ELMOD2: variants seen among roughly 807,000 people sequenced by gnomAD.
The protein encoded by ELMOD2 is ELMO domain-containing protein 2.
In ELMOD2, 28 loss-of-function variants were observed where a neutral mutation model predicts 41.0. That is an observed-to-expected ratio of 0.68 (90% CI 0.51 to 0.94). ELMOD2 has a LOEUF of 0.94. ELMOD2 is among the 40% of genes least tolerant of loss of function. The probability of loss-of-function intolerance (pLI) is 0.00; values close to 1 mark genes in which losing one functional copy is unlikely to be tolerated. For missense variants in ELMOD2, 333 were observed against 343.1 expected (o/e 0.97, Z 0.23); for synonymous variants, 106 against 107.2 (o/e 0.99, Z 0.07).
intron 1 of ELMOD2, chr4:140,524,505 C>T: frequency 1.2e-5 from 9 of 761,992 alleles, no homozygotes; most frequent in Non-Finnish European, 1.3e-5. Flanking sequence ...CGTGCATCCC[C>T]TCTGCTCGGC....
In ELMOD2 at chr4:140,551,578, A is replaced by G. The variant is rs967071205; in HGVS notation, c.*1203A>G. 6.6e-6 allele frequency: 1 copy of G among 152,132 alleles called. No individual in the cohort carries two copies. Among genetic ancestry groups the G allele is most frequent in the East Asian group, 1.9e-4 (1 of 5,202 alleles). The allele number at this position is 152,132 out of a possible 1,614,324, so 9.4% of individuals were successfully genotyped here. On this transcript the variant is annotated 3_prime_UTR_variant, in exon 9 of 9. Transcript: ENST00000323570. ...TTCTTGGTGCGTTTTACACATTTGT[A>G]CTGATAGCAAAACTAAAGTTTAAAG...
intron 2 of ELMOD2, among the ~76,000 whole-genome samples, 164 bp downstream of exon 2, chr4:140,525,734 T>C (rs1259839704): frequency 6.6e-6 from 1 of 152,252 alleles, no homozygotes; most frequent in East Asian, 1.9e-4. Flanking sequence ...TAAAATTGTA[T>C]GAATTTATAG....
chr4:140,540,857 G>T (rs1735084046), intron 6 of ELMOD2, among the ~76,000 whole-genome samples: 2 of 151,478 alleles, frequency 1.3e-5, no homozygotes, highest in African/African-American at 4.9e-5. Flanking sequence ...ACCTCTTAAA[G>T]AATTATGTAT....
At position 140,535,764 on chromosome 4, in the gene ELMOD2, G is replaced by T; in HGVS notation, c.203G>T (p.Ser68Ile). 1 of 1,611,666 alleles carries T rather than the reference G, an allele frequency of 6.2e-7. No individual in the cohort carries two copies. ...CAGAAGGCGACACATGTTGTTCAGA[G>T]TGAAGTGGACAAATATGTAGATGAT... is the stretch of plus-strand genomic sequence containing the variant. ...VLQKATHVVQSEVDKYVDDIM... is the reference protein window; with the variant it reads ...VLQKATHVVQIEVDKYVDDIM... The change falls in exon 4 of 9, where the codon AGT (serine) becomes ATT (isoleucine). Residue 68 changes from serine to isoleucine, a missense_variant. Ser to Ile is a moderately radical substitution (Grantham distance 142). Coordinates refer to ENST00000323570, the MANE Select transcript of ELMOD2 (RefSeq NM_153702.4).
chr4:140,524,566 A>G (rs957628143), intron 1 of ELMOD2: 2 of 984,482 alleles, frequency 2.0e-6, no homozygotes, highest in Non-Finnish European at 1.2e-6. Context: ...TTGATTTTCA[A>G]GATAATGATC....
At chr4:140,536,141 GTCC>G (rs1395766037) in intron 4 of ELMOD2, among the ~76,000 whole-genome samples, 2 of 152,116 alleles carry the variant, frequency 1.3e-5, no homozygotes, top group East Asian at 3.9e-4. Flanking sequence ...CAGTTCCTGT[GTCC>G]TCCTCTAGTA....
At chr4:140,538,422 CAATA>C (rs746495755) in intron 5 of ELMOD2, among the ~76,000 whole-genome samples, 3 of 152,088 alleles carry the variant, frequency 2.0e-5, no homozygotes, top group Non-Finnish European at 4.4e-5. Context: ...AGTTTAAAAA[CAATA>C]AAGGCTTTTT....
intron 8 of ELMOD2, among the ~76,000 whole-genome samples, chr4:140,544,519 A>G (rs549860542): frequency 1.3e-5 from 2 of 152,194 alleles, no homozygotes; most frequent in African/African-American, 4.8e-5. Context: ...CATTGAAAGT[A>G]TAGTTATTTA....
At position 140,550,718 on chromosome 4, in the gene ELMOD2, A is replaced by C. The variant is rs1429843704; in HGVS notation, c.*343A>C. The C allele has an allele frequency of 6.4e-6, 1 of 155,108 alleles. No individual in the cohort carries two copies. Among genetic ancestry groups the C allele is most frequent in the Non-Finnish European group, 1.4e-5 (1 of 69,874 alleles). 9.6% of individuals were successfully genotyped at this position (155,108 alleles called of 1,614,324 possible). On this transcript the variant is annotated 3_prime_UTR_variant, in exon 9 of 9. Coordinates refer to ENST00000323570, the MANE Select transcript of ELMOD2 (RefSeq NM_153702.4). ...ATCAATTTTCGTTTTTATGTGTTAT[A>C]GGGTCAAGTTGGTATCTTTTTCAAA...
At position 140,552,369 on chromosome 4, in the gene ELMOD2, C is replaced by G. The variant is rs1389728335; in HGVS notation, c.*1994C>G. The G allele has an allele frequency of 6.6e-6, 1 of 151,886 alleles. No homozygotes were observed. The highest frequency in any genetic ancestry group is 6.6e-5 in the Admixed American group (1 of 15,232). 9.4% of individuals were successfully genotyped at this position (151,886 alleles called of 1,614,324 possible). A position where few individuals can be genotyped will look rare whatever the true frequency, so the allele number is the denominator to read the frequency against. On this transcript the variant is annotated 3_prime_UTR_variant, in exon 9 of 9. Coordinates refer to ENST00000323570, the MANE Select transcript of ELMOD2 (RefSeq NM_153702.4). ...TCAATAATATGTTCTTTAAATCCACCTCCATTTGTACATTATAGGTATCAT... is the reference window on the plus strand; with the variant it reads ...TCAATAATATGTTCTTTAAATCCACGTCCATTTGTACATTATAGGTATCAT...
chr4:140,548,388 T>C (rs1159454420), intron 8 of ELMOD2, among the ~76,000 whole-genome samples: 2 of 152,244 alleles, frequency 1.3e-5, no homozygotes, highest in East Asian at 3.9e-4. Context: ...ATTTCTTGAT[T>C]TTACCCATAT....
At chr4:140,545,101 T>C (rs1735229962) in intron 8 of ELMOD2, among the ~76,000 whole-genome samples, 1 of 152,222 alleles carries the variant, frequency 6.6e-6, no homozygotes, top group Non-Finnish European at 1.5e-5. Flanking sequence ...TCTCTCTCCA[T>C]GACTCTGCTC....
At chr4:140,538,176 C>T (rs570202777) in intron 5 of ELMOD2, among the ~76,000 whole-genome samples, 23 of 152,128 alleles carry the variant, frequency 1.5e-4, no homozygotes, top group Admixed American at 2.6e-4. Flanking sequence ...AGACTAGTCC[C>T]TTTGTTTGAG....
At chr4:140,525,721 C>A in intron 2 of ELMOD2, 151 bp downstream of exon 2, 1 of 761,612 alleles carries the variant, frequency 1.3e-6, no homozygotes, top group Non-Finnish European at 1.9e-6. Context: ...ACTCCTTCAG[C>A]TCTAAAATTG....
At chr4:140,542,218 A>T (rs540782103) in intron 6 of ELMOD2, among the ~76,000 whole-genome samples, 1 of 152,084 alleles carries the variant, frequency 6.6e-6, no homozygotes, top group East Asian at 1.9e-4. Context: ...CCTAAGTGTA[A>T]GGAAGAGTGT....
In ELMOD2 at chr4:140,540,241, AG is replaced by A; in HGVS notation, c.476del (p.Gly159ValfsTer16). On this transcript the variant is annotated frameshift_variant, in exon 6 of 9. Transcript: ENST00000323570. LOFTEE classifies it high-confidence loss of function. ...ISKQWAEIGF[Q>X]GDDPKTDFRG... ...AAGCAGTGGGCTGAAATTGGTTTTC[AG>A]GGTGATGATCCCAAGACAGACTTCA... 6.2e-7 allele frequency: 1 copy of A among 1,614,182 alleles called. No individual in the cohort carries two copies. The highest frequency in any genetic ancestry group is 8.5e-7 in the Non-Finnish European group (1 of 1,180,008).
At position 140,532,878 on chromosome 4, in the gene ELMOD2, A is replaced by G. The variant is rs375115972; in HGVS notation, c.172-2855A>G. Among the ~76,000 whole-genome samples the G allele has an allele frequency of 5.6e-4, 86 of 152,350 alleles. 1 individual carries two copies. The highest frequency in any genetic ancestry group is 2.0e-3 in the African/African-American group (85 of 41,576). ...GAATGTAGAAAATCCTAAGAAATCT[A>G]CAAAAACTACTGGCATTATTAGTAA... On this transcript the variant is annotated intron_variant, in intron 3 of 8. Coordinates refer to ENST00000323570, the MANE Select transcript of ELMOD2 (RefSeq NM_153702.4).
At chr4:140,532,927 C>T (rs989683613) in intron 3 of ELMOD2, among the ~76,000 whole-genome samples, 4 of 152,140 alleles carry the variant, frequency 2.6e-5, no homozygotes, top group Admixed American at 1.3e-4. Flanking sequence ...TGTTACAGGA[C>T]ATGGTATACT....
intron 3 of ELMOD2, among the ~76,000 whole-genome samples, chr4:140,532,058 A>G (rs1734765574): frequency 6.6e-6 from 1 of 152,208 alleles, no homozygotes; most frequent in Non-Finnish European, 1.5e-5. Flanking sequence ...TAATATATGA[A>G]AATTACAGTT....
Sources: allele counts gnomAD v4.1 joint callset (sites outside exome capture counted in the v4.1 genomes callset), GRCh38; gene constraint gnomAD v4.1.1; transcripts MANE v1.5; gene names NCBI Gene and HGNC (gene_info 2026-07-23, HGNC 2026-07-21).